The following MEI4 variants were observed in gnomAD, a reference collection of about 807,000 sequenced individuals.
MEI4 encodes meiotic double-stranded break formation protein 4.
A neutral mutation model predicts 31.4 loss-of-function variants in MEI4; 27 were observed. That is an observed-to-expected ratio of 0.86 (90% CI 0.63 to 1.19). MEI4 has a LOEUF of 1.19. Among genes scored for constraint, MEI4 ranks in the 50% most tolerant of loss-of-function variants. The probability of loss-of-function intolerance (pLI) is 0.00; values close to 1 mark genes in which losing one functional copy is unlikely to be tolerated. For missense variants in MEI4, 329 were observed against 398.9 expected, an observed-to-expected ratio of 0.82 and a Z score of 1.49; for synonymous variants, 122 against 145.4, an observed-to-expected ratio of 0.84 and a Z score of 1.16.
rs993880291 is a variant in MEI4, at chr6:77,912,046, G to A, written c.901-11043G>A. Among the ~76,000 whole-genome samples, 39 of 151,850 alleles carry A rather than the reference G, an allele frequency of 2.6e-4. 1 individual carries two copies. Among genetic ancestry groups the A allele is most frequent in the African/African-American group, 9.4e-4 (39 of 41,374 alleles). ...GGTCCATTTTCATTCTTCCACATAT[G>A]GATATACAACTTATTTAACATCATT... On this transcript the variant is annotated intron_variant, in intron 4 of 4. Transcript: ENST00000684080.
At chr6:77,868,725 A>G (rs1290384874) in intron 4 of MEI4, among the ~76,000 whole-genome samples, 1 of 151,784 alleles carries the variant, frequency 6.6e-6, no homozygotes, top group Admixed American at 6.6e-5. Context: ...AGAGTTTAAA[A>G]AGAAAGAGAA....
intron 1 of MEI4, among the ~76,000 whole-genome samples, chr6:77,658,432 G>C (rs7773339): frequency 6.6e-6 from 1 of 152,060 alleles, no homozygotes; most frequent in Non-Finnish European, 1.5e-5. Context: ...CAGGGGATGC[G>C]ATGGCTTGGC....
At chr6:77,711,709 A>G (rs1766470040) in intron 2 of MEI4, among the ~76,000 whole-genome samples, 1 of 152,226 alleles carries the variant, frequency 6.6e-6, no homozygotes, top group African/African-American at 2.4e-5. Context: ...GAGAGCTAGC[A>G]TTGATTCCAA....
At chr6:77,770,348 C>T (rs1299523812) in intron 3 of MEI4, among the ~76,000 whole-genome samples, 1 of 152,012 alleles carries the variant, frequency 6.6e-6, no homozygotes, top group Non-Finnish European at 1.5e-5. Flanking sequence ...CAATGAGAAA[C>T]ATTGCTCAAA....
At chr6:77,864,898 A>G (rs1194078928) in intron 4 of MEI4, among the ~76,000 whole-genome samples, 1 of 152,238 alleles carries the variant, frequency 6.6e-6, no homozygotes, top group African/African-American at 2.4e-5. Context: ...ACCACAGTGC[A>G]ATCAAACTAG....
intron 2 of MEI4, among the ~76,000 whole-genome samples, chr6:77,739,914 C>CTAACTTT (rs1767354908): frequency 6.6e-6 from 1 of 152,104 alleles, no homozygotes; most frequent in Non-Finnish European, 1.5e-5. Flanking sequence ...TGAGATCTTT[C>CTAACTTT]TAACTTTCTG....
At chr6:77,654,481 C>G (rs1768352441) in intron 1 of MEI4, among the ~76,000 whole-genome samples, 1 of 150,026 alleles carries the variant, frequency 6.7e-6, no homozygotes, top group African/African-American at 2.5e-5. Context: ...AGTAGACCTT[C>G]CTTATCTGTG....
intron 1 of MEI4, among the ~76,000 whole-genome samples, chr6:77,689,081 T>A (rs976072234): frequency 3.3e-5 from 5 of 152,082 alleles, no homozygotes; most frequent in Non-Finnish European, 5.9e-5. Context: ...AATTGATATA[T>A]GTTAATTGAA....
intron 2 of MEI4, among the ~76,000 whole-genome samples, chr6:77,734,761 A>C (rs1019215721): frequency 6.6e-6 from 1 of 151,954 alleles, no homozygotes; most frequent in East Asian, 1.9e-4. Flanking sequence ...ATGATTTTGC[A>C]GTGGCTGTTA....
chr6:77,736,502 G>T (rs1280301857), intron 2 of MEI4, among the ~76,000 whole-genome samples: 1 of 152,024 alleles, frequency 6.6e-6, no homozygotes, highest in Non-Finnish European at 1.5e-5. Context: ...CTTGCGAACG[G>T]TGCGCGCACA....
At chr6:77,832,242 A>G (rs543513180) in intron 4 of MEI4, among the ~76,000 whole-genome samples, 34 of 152,080 alleles carry the variant, frequency 2.2e-4, no homozygotes, top group Non-Finnish European at 4.4e-4. Context: ...TTCTCTGTCG[A>G]TATAAAGAAT....
rs147903553 is a variant in MEI4, at chr6:77,706,572, G to A, written c.232+15669G>A. Among the ~76,000 whole-genome samples the A allele has an allele frequency of 9.6e-3, 1,454 of 152,198 alleles. 11 individuals are homozygous for A. The highest frequency in any genetic ancestry group is 0.014 in the Non-Finnish European group (985 of 68,016). ...TTTTCTCCTGTTAACCTGTTGATATGGTTTAGATGTTTTGTCACCTTCAAA... is the reference window on the plus strand; with the variant it reads ...TTTTCTCCTGTTAACCTGTTGATATAGTTTAGATGTTTTGTCACCTTCAAA... On this transcript the variant is annotated intron_variant, in intron 2 of 4. Coordinates refer to ENST00000684080, the MANE Select transcript of MEI4 (RefSeq NM_001322247.2).
chr6:77,692,359 C>T (rs976090343), intron 2 of MEI4, among the ~76,000 whole-genome samples: 4 of 151,968 alleles, frequency 2.6e-5, no homozygotes, highest in African/African-American at 9.7e-5. Flanking sequence ...AGCTTATGTT[C>T]ACTGAGGAGA....
intron 2 of MEI4, among the ~76,000 whole-genome samples, chr6:77,751,150 C>T (rs1440317164): frequency 1.3e-5 from 2 of 151,856 alleles, no homozygotes; most frequent in Non-Finnish European, 2.9e-5. Flanking sequence ...CACTAAATGC[C>T]CACAAGAGAA....
intron 1 of MEI4, among the ~76,000 whole-genome samples, chr6:77,659,383 A>T (rs1239941121): frequency 1.3e-5 from 2 of 152,024 alleles, no homozygotes; most frequent in African/African-American, 4.8e-5. Flanking sequence ...TGTGAGGCAA[A>T]ACTGGAGATG....
At chr6:77,792,816 C>A (rs889647723) in intron 3 of MEI4, among the ~76,000 whole-genome samples, 14 of 151,850 alleles carry the variant, frequency 9.2e-5, no homozygotes, top group Admixed American at 3.9e-4. Flanking sequence ...GGGTTCACAC[C>A]ATTCTCCTGC....
intron 2 of MEI4, among the ~76,000 whole-genome samples, chr6:77,741,534 G>A (rs761680351): frequency 3.3e-5 from 5 of 152,112 alleles, no homozygotes; most frequent in Non-Finnish European, 7.4e-5. Context: ...AGATACATAT[G>A]TTATGACAGT....
chr6:77,694,192 A>G (rs929458571), intron 2 of MEI4, among the ~76,000 whole-genome samples: 1 of 151,978 alleles, frequency 6.6e-6, no homozygotes, highest in African/African-American at 2.4e-5. Flanking sequence ...TTTGTTGTCT[A>G]TTTGAAATTC....
At chr6:77,911,452 C>G (rs1264317620) in intron 4 of MEI4, among the ~76,000 whole-genome samples, 2 of 151,798 alleles carry the variant, frequency 1.3e-5, no homozygotes, top group African/African-American at 4.8e-5. Context: ...GGTATTACCC[C>G]CTCCTTCTGA....
Sources: gnomAD v4.1 joint callset for allele counts (sites outside exome capture counted in the v4.1 genomes callset) on GRCh38, gnomAD v4.1.1 for gene constraint, MANE v1.5 for transcripts, NCBI Gene and HGNC (gene_info 2026-07-23, HGNC 2026-07-21) for gene names.